Variants in PRRC2B observed in about 807,000 individuals in gnomAD.
The protein encoded by PRRC2B is proline rich coiled-coil 2B.
Under a neutral mutation model 242.3 loss-of-function variants are expected in PRRC2B, and 68 were observed. The ratio of observed to expected loss-of-function variants is 0.28; its 90% CI spans 0.23 to 0.34. PRRC2B has a LOEUF of 0.34. Ranked by LOEUF, PRRC2B falls within the 10% of genes least tolerant of loss-of-function variation. PRRC2B has a pLI of 1.00. For missense variants in PRRC2B, 2,835 were observed against 2,954.8 expected (o/e 0.96, Z 0.94); for synonymous variants, 1,228 against 1,173.6 (o/e 1.05, Z -0.95).
intron 5 of PRRC2B, among the ~76,000 whole-genome samples, chr9:131,440,276 A>G (rs1291207436): frequency 1.3e-5 from 2 of 152,150 alleles, no homozygotes; most frequent in African/African-American, 2.4e-5. Flanking sequence ...TTGGCTTTCC[A>G]TATCTTATAT....
chr9:131,443,208 A>G (rs1253461140), intron 5 of PRRC2B, among the ~76,000 whole-genome samples: 1 of 151,206 alleles, frequency 6.6e-6, no homozygotes, highest in Non-Finnish European at 1.5e-5. Flanking sequence ...ATCTCGGCTC[A>G]CTGCAAGCTC....
At chr9:131,492,904 C>T (rs180816772) in intron 30 of PRRC2B, among the ~76,000 whole-genome samples, 27 of 152,296 alleles carry the variant, frequency 1.8e-4, no homozygotes, top group Non-Finnish European at 1.5e-4. Flanking sequence ...CCCTGGGCTC[C>T]GAGGGCTTGT....
In PRRC2B at chr9:131,470,772, C is replaced by A. The variant is rs770800515; in HGVS notation, c.1912-16C>A. The A allele has an allele frequency of 6.2e-7, 1 of 1,608,690 alleles. No individual in the cohort carries two copies. Among genetic ancestry groups the A allele is most frequent in the Non-Finnish European group, 8.5e-7 (1 of 1,176,976 alleles). On this transcript the variant is annotated splice_polypyrimidine_tract_variant and intron_variant, in intron 13 of 31. Coordinates refer to ENST00000683519, the MANE Select transcript of PRRC2B (RefSeq NM_013318.4). Reference sequence around the variant, plus strand: ...GCCGCACCAGCCTGACCAAGTCTCTCTCTCTCTGTGGGCAGGAGCAGCTGT... The same window carrying A: ...GCCGCACCAGCCTGACCAAGTCTCTATCTCTCTGTGGGCAGGAGCAGCTGT...
At position 131,410,715 on chromosome 9, in the gene PRRC2B, C is replaced by T. The variant is rs143377558; in HGVS notation, c.-52+16452C>T. Among the ~76,000 whole-genome samples, 12 of 152,252 alleles carry T rather than the reference C, an allele frequency of 7.9e-5. No individual in the cohort carries two copies. In the South Asian group the frequency reaches 2.3e-3, roughly 29 times the overall value. On this transcript the variant is annotated intron_variant, in intron 1 of 31. Coordinates refer to ENST00000683519, the MANE Select transcript of PRRC2B (RefSeq NM_013318.4). ...CTTCGTTCAAGGAACTAATTTTATT[C>T]ATTTTTTCTTTTCTTTTTTTCCTTG...
At chr9:131,426,337 C>CAAAAAAAAAAAAAAA (rs5900939) in intron 1 of PRRC2B, among the ~76,000 whole-genome samples, 2 of 84,472 alleles carry the variant, frequency 2.4e-5, no homozygotes, top group Non-Finnish European at 4.9e-5. Context: ...AACTCTGTCT[C>CAAAAAAAAAAAAAAA]AAAAAAAAAA....
chr9:131,373,752 G>T (rs1446247103), intron 1 of PRRC2B: 1 of 152,232 alleles, frequency 6.6e-6, no homozygotes, highest in Non-Finnish European at 1.5e-5. Flanking sequence ...GTTTCTTTGC[G>T]TGGATCTTTT....
chr9:131,492,318 G>A lies in PRRC2B; in HGVS notation c.6473+58G>A. 2.9e-6 allele frequency: 4 copies of A among 1,390,274 alleles called. No homozygotes were observed. In the East Asian group the frequency reaches 9.2e-5, roughly 32 times the overall value. 86.1% of individuals were successfully genotyped at this position (1,390,274 alleles called of 1,614,324 possible). A position where few individuals can be genotyped will look rare whatever the true frequency, so the allele number is the denominator to read the frequency against. ...TAGCTGAGCAGTTGCCAGAGCTGCG[G>A]CCCAGTGACTCAGAAGAATCTGGGC... On this transcript the variant is annotated intron_variant, in intron 30 of 31. Transcript: ENST00000683519.
rs146791950 is a variant in PRRC2B, at chr9:131,436,124, A to C, written c.294-496A>C. ...CAGTGATTGAATTTCCCTATTGGCAAATCCTTCATTTGCATTGTTTACAGT... is the reference window on the plus strand; with the variant it reads ...CAGTGATTGAATTTCCCTATTGGCACATCCTTCATTTGCATTGTTTACAGT... On this transcript the variant is annotated intron_variant, in intron 3 of 31. Coordinates refer to ENST00000683519, the MANE Select transcript of PRRC2B (RefSeq NM_013318.4). 3.2e-3 allele frequency among the ~76,000 whole-genome samples: 487 copies of C among 152,284 alleles called. 3 individuals are homozygous for C. Among genetic ancestry groups the C allele is most frequent in the African/African-American group, 0.011 (448 of 41,554 alleles).
At chr9:131,478,018 TC>T in intron 17 of PRRC2B, 69 bp downstream of exon 17, 1 of 1,442,622 alleles carries the variant, frequency 6.9e-7, no homozygotes, top group Non-Finnish European at 9.6e-7. Flanking sequence ...TCCTCGGGCC[TC>T]CCGAGTTTGC....
At chr9:131,387,923 G>A (rs1836845578) in intron 1 of PRRC2B, among the ~76,000 whole-genome samples, 1 of 150,866 alleles carries the variant, frequency 6.6e-6, no homozygotes, top group South Asian at 2.1e-4. Context: ...AGGTGCAGTG[G>A]CCCATGCCTG....
Position 131,494,963 on chromosome 9 carries a change from CTCTATTCTCTAA to C in PRRC2B, c.6555+478_6555+489del, listed in dbSNP as rs1458187152. On this transcript the variant is annotated intron_variant, in intron 31 of 31. Coordinates refer to ENST00000683519, the MANE Select transcript of PRRC2B (RefSeq NM_013318.4). This position sits in a 1 kb window ranked among gnomAD's most constrained non-coding sequence, Gnocchi z 4.3. ...CTTTTCCTGCACGCACTATTCTCTT[CTCTATTCTCTAA>C]AACGTGCTGGGGCTCAGAGCTTAAG... 6.6e-6 allele frequency among the ~76,000 whole-genome samples: 1 copy of C among 152,194 alleles called. No individual in the cohort carries two copies. The highest frequency in any genetic ancestry group is 1.5e-5 in the Non-Finnish European group (1 of 68,032).
At chr9:131,395,328 G>A (rs1837019240) in intron 1 of PRRC2B, among the ~76,000 whole-genome samples, 1 of 152,104 alleles carries the variant, frequency 6.6e-6, no homozygotes, top group South Asian at 2.1e-4. Context: ...GTGTCATCCA[G>A]TTTGGTTTTT....
chr9:131,383,104 C>T lies in PRRC2B; in HGVS notation c.-56+9373C>T, dbSNP rs186806418. On this transcript the variant is annotated intron_variant, in intron 1 of 1. Coordinates refer to the PRRC2B transcript ENST00000682525. ...ATCTGGAATGTTCCTCCACAGTCTC[C>T]GCTGATTAAACTCTGCTCTTCCTTT... Among the ~76,000 whole-genome samples, 589 of 152,270 alleles carry T rather than the reference C, an allele frequency of 3.9e-3. 2 individuals carry two copies. Among genetic ancestry groups the T allele is most frequent in the South Asian group, 8.1e-3 (39 of 4,820 alleles).
rs117714018 is a variant in PRRC2B, at chr9:131,438,560, C to T, written c.397-429C>T. 7.9e-5 allele frequency among the ~76,000 whole-genome samples: 12 copies of T among 152,294 alleles called. No individual in the cohort carries two copies. The South Asian group carries it at 1.0e-3, about 13-fold the overall frequency. The stretch of plus-strand genomic sequence containing the variant: ...CTGGCATGTTGGCCTTCTTTGTTCA[C>T]GTTCCTCATTAGCAGCTGCGCAGTT... On this transcript the variant is annotated intron_variant, in intron 4 of 31. Coordinates refer to ENST00000683519, the MANE Select transcript of PRRC2B (RefSeq NM_013318.4).
intron 19 of PRRC2B, among the ~76,000 whole-genome samples, chr9:131,479,865 TG>T (rs1943808142): frequency 6.6e-6 from 1 of 152,192 alleles, no homozygotes; most frequent in African/African-American, 2.4e-5. Context: ...AAAGGCAAAC[TG>T]AGACCAGAAG....
chr9:131,451,813 C>T (rs765146883), intron 9 of PRRC2B, among the ~76,000 whole-genome samples: 3 of 151,400 alleles, frequency 2.0e-5, no homozygotes, highest in Non-Finnish European at 4.4e-5. Flanking sequence ...TCAATGATTT[C>T]CTACATCTGT....
intron 12 of PRRC2B, among the ~76,000 whole-genome samples, chr9:131,466,052 G>A (rs1378727302): frequency 6.6e-6 from 1 of 152,212 alleles, no homozygotes; most frequent in Non-Finnish European, 1.5e-5. Flanking sequence ...GAGTAATGAA[G>A]CAGTGCTCTA....
chr9:131,446,264 T>G lies in PRRC2B; in HGVS notation c.614-137T>G. 1 of 1,071,346 alleles carries G rather than the reference T, an allele frequency of 9.3e-7. No homozygotes were observed. Among genetic ancestry groups the G allele is most frequent in the Non-Finnish European group, 1.3e-6 (1 of 761,338 alleles). 66.4% of individuals were successfully genotyped at this position (1,071,346 alleles called of 1,614,324 possible). On this transcript the variant is annotated intron_variant, in intron 6 of 31. Transcript: ENST00000683519. The surrounding 1 kb of genome is among the most constrained non-coding windows in gnomAD (Gnocchi z 4.1). ...CAACCTTCCCTGACAGATTTAACAGTTCTTCACTTTTGGTGTTTTTTGTTT... is the reference window on the plus strand; with the variant it reads ...CAACCTTCCCTGACAGATTTAACAGGTCTTCACTTTTGGTGTTTTTTGTTT...
chr9:131,456,882 C>T (rs897133602), intron 10 of PRRC2B, among the ~76,000 whole-genome samples: 1 of 152,120 alleles, frequency 6.6e-6, no homozygotes, highest in Non-Finnish European at 1.5e-5. Flanking sequence ...AAGACTTTTT[C>T]CTTTGCTTCC....
Sources: gnomAD v4.1 joint callset for allele counts (sites outside exome capture counted in the v4.1 genomes callset) on GRCh38, gnomAD v4.1.1 for gene constraint, Gnocchi (gnomAD v3.1) non-coding constraint, MANE v1.5 for transcripts, NCBI Gene and HGNC (gene_info 2026-07-23, HGNC 2026-07-21) for gene names.